Variants in XKR7 observed in about 807,000 individuals in gnomAD.
XKR7 encodes the protein XK related 7, also known as XK-related protein 7.
Under a neutral mutation model 42.2 loss-of-function variants are expected in XKR7, and 11 were observed. The ratio of observed to expected loss-of-function variants is 0.26; its 90% CI spans 0.16 to 0.43. The LOEUF is 0.43. Among genes scored for constraint, XKR7 ranks in the 20% least tolerant of loss-of-function variants. The probability of loss-of-function intolerance (pLI) is 1.00; values close to 1 mark genes in which losing one functional copy is unlikely to be tolerated. For missense variants in XKR7, 710 were observed against 802.2 expected (o/e 0.89, Z 1.39); for synonymous variants, 346 against 366.4 (o/e 0.94, Z 0.64).
chr20:31,983,762 T>C (rs545863163), intron 1 of XKR7, among the ~76,000 whole-genome samples: 1 of 151,916 alleles, frequency 6.6e-6, no homozygotes, highest in Admixed American at 6.6e-5. Flanking sequence ...TCCTGGCCAA[T>C]AGGGCAAAAC....
chr20:31,979,799 A>C (rs910186289), intron 1 of XKR7, among the ~76,000 whole-genome samples: 1 of 152,132 alleles, frequency 6.6e-6, no homozygotes, highest in African/African-American at 2.4e-5. Flanking sequence ...AATCCACATG[A>C]GGATATCAAG....
intron 1 of XKR7, among the ~76,000 whole-genome samples, chr20:31,975,939 A>T (rs2122253050): frequency 6.6e-6 from 1 of 152,346 alleles, no homozygotes; most frequent in Admixed American, 6.5e-5. Flanking sequence ...TGCGAGGATG[A>T]AGAAGAGAAC....
At chr20:31,969,780 G>C (rs1448535351) in intron 1 of XKR7, among the ~76,000 whole-genome samples, 1 of 152,216 alleles carries the variant, frequency 6.6e-6, no homozygotes, top group Admixed American at 6.5e-5. Context: ...CAGGTGAGAG[G>C]TCTGCATGAG....
At chr20:31,972,369 C>A (rs1190218148) in intron 1 of XKR7, among the ~76,000 whole-genome samples, 2 of 152,230 alleles carry the variant, frequency 1.3e-5, no homozygotes, top group East Asian at 1.9e-4. Context: ...TACTTTGGGA[C>A]ATGCCAGAAC....
chr20:31,981,606 C>T lies in XKR7; in HGVS notation c.584+12847C>T, dbSNP rs564090399. On this transcript the variant is annotated intron_variant, in intron 1 of 2. Transcript: ENST00000562532. ...ACTCGGGAGGCTGAGGCAGGAGAAT[C>T]GCCTGAACCTGGGAGGTAGAGGTTG... Among the ~76,000 whole-genome samples, 79 of 152,174 alleles carry T rather than the reference C, an allele frequency of 5.2e-4. 2 individuals are homozygous for T. In the South Asian group the frequency reaches 0.016, roughly 30 times the overall value.
intron 1 of XKR7, among the ~76,000 whole-genome samples, chr20:31,976,135 G>GCTCTGCACA (rs2122253299): frequency 6.6e-6 from 1 of 152,338 alleles, no homozygotes; most frequent in South Asian, 2.1e-4. Flanking sequence ...AGCACATAGT[G>GCTCTGCACA]GTGCTCAGTT....
chr20:31,984,609 T>C (rs374879452), intron 1 of XKR7, among the ~76,000 whole-genome samples: 2 of 152,356 alleles, frequency 1.3e-5, no homozygotes, highest in Admixed American at 6.5e-5. Context: ...TGGAATCACC[T>C]TGGTCTCCTG....
At position 31,997,705 on chromosome 20, in the gene XKR7, G is replaced by A; in HGVS notation, c.*248G>A. On this transcript the variant is annotated 3_prime_UTR_variant, in exon 3 of 3. Transcript: ENST00000562532. ...TGACCCAGGGCCTGGGGAATCATCT[G>A]GTGCTACACTTTTCGAGCTGCCCTG... is the stretch of plus-strand genomic sequence containing the variant. The A allele has an allele frequency of 1.9e-6, 1 of 516,744 alleles. No homozygotes were observed. The highest frequency in any genetic ancestry group is 2.7e-5 in the South Asian group (1 of 36,614). The allele number at this position is 516,744 out of a possible 1,614,324, so 32.0% of individuals were successfully genotyped here.
chr20:31,976,575 G>A (rs908933579), intron 1 of XKR7, among the ~76,000 whole-genome samples: 2 of 151,962 alleles, frequency 1.3e-5, no homozygotes, highest in Non-Finnish European at 2.9e-5. Flanking sequence ...AGTAGAAACG[G>A]GGTTTCACCA....
chr20:31,969,578 G>A (rs1053000295), intron 1 of XKR7, among the ~76,000 whole-genome samples: 50 of 152,330 alleles, frequency 3.3e-4, no homozygotes, highest in Non-Finnish European at 3.8e-4. Context: ...GGCTCCTCTT[G>A]AATCTGAATT....
chr20:31,977,866 G>T (rs1163235469), intron 1 of XKR7, among the ~76,000 whole-genome samples: 1 of 152,218 alleles, frequency 6.6e-6, no homozygotes, highest in Non-Finnish European at 1.5e-5. Flanking sequence ...CCAGATGGAA[G>T]TGGCTAACTT....
chr20:31,997,445 G>T lies in XKR7; in HGVS notation c.1728G>T (p.Glu576Asp). Reference sequence around the variant, plus strand: ...CTTCCCAGGAGCTGCTGGAGTATGAGACCACAGTGTAGGCTACAGTGTCCC... The same window carrying T: ...CTTCCCAGGAGCTGCTGGAGTATGATACCACAGTGTAGGCTACAGTGTCCC... ...VGTSQELLEY[E>D]TTV The change falls in exon 3 of 3, where the codon GAG becomes GAT. Residue 576 changes from glutamate (E) to aspartate (D), a missense_variant. Physicochemically the swap from Glu to Asp is conservative, Grantham distance 45 (BLOSUM62 2). Around this residue, in one of 2 missense-constraint regions of XKR7, gnomAD observed 708 missense variants for 786.2 expected, o/e 0.90. Transcript: ENST00000562532. 1 of 1,596,844 alleles carries T rather than the reference G, an allele frequency of 6.3e-7. No homozygotes were observed. Among genetic ancestry groups the T allele is most frequent in the South Asian group, 1.1e-5 (1 of 90,728 alleles).
chr20:31,979,282 A>G (rs958824476), intron 1 of XKR7, among the ~76,000 whole-genome samples: 6 of 151,938 alleles, frequency 3.9e-5, no homozygotes, highest in African/African-American at 1.2e-4. Flanking sequence ...TGCCACAGTC[A>G]TGGCTTACTG....
intron 1 of XKR7, among the ~76,000 whole-genome samples, chr20:31,974,907 T>C (rs2064478560): frequency 6.6e-6 from 1 of 151,904 alleles, no homozygotes; most frequent in African/African-American, 2.4e-5. Context: ...TCCAGGAGGC[T>C]CTCCACCCCC....
chr20:31,996,490 G>T lies in XKR7; in HGVS notation c.788-15G>T. 2 of 91,690 alleles carry T rather than the reference G, an allele frequency of 2.2e-5. No individual in the cohort carries two copies. The highest frequency in any genetic ancestry group is 3.2e-5 in the Non-Finnish European group (2 of 63,252). The allele number at this position is 91,690 out of a possible 1,614,324, so 5.7% of individuals were successfully genotyped here. A position where few individuals can be genotyped will look rare whatever the true frequency, so the allele number is the denominator to read the frequency against. The stretch of plus-strand genomic sequence containing the variant: ...CCCTAACCCAGCCCACCCCGCCCCT[G>T]CCCTGTCTCCACAGCCCTCTCCACC... On this transcript the variant is annotated splice_polypyrimidine_tract_variant and intron_variant, in intron 2 of 2. Coordinates refer to ENST00000562532, the MANE Select transcript of XKR7 (RefSeq NM_001011718.2).
chr20:31,997,158 G>C lies in XKR7; in HGVS notation c.1441G>C (p.Gly481Arg), dbSNP rs200392528. 6.8e-6 allele frequency: 11 copies of C among 1,611,336 alleles called. No homozygotes were observed. Among genetic ancestry groups the C allele is most frequent in the Non-Finnish European group, 9.3e-6 (11 of 1,180,014 alleles). ...CCCCAGGTCCCTGCCAAGGACTACAGGTGCTGAGCGGGATGGGGCCTCGGC... is the reference window on the plus strand; with the variant it reads ...CCCCAGGTCCCTGCCAAGGACTACACGTGCTGAGCGGGATGGGGCCTCGGC... ...SPPRSLPRTT[G>R]AERDGASAGE... The change falls in exon 3 of 3, where the codon GGT becomes CGT. Residue 481 changes from glycine (G) to arginine (R), a missense_variant. Gly to Arg is a moderately radical substitution (Grantham distance 125). Around this residue, in one of 2 missense-constraint regions of XKR7, gnomAD observed 708 missense variants for 786.2 expected, o/e 0.90. Transcript: ENST00000562532.
chr20:31,986,664 T>A (rs1366226702), intron 1 of XKR7, among the ~76,000 whole-genome samples: 2 of 114,696 alleles, frequency 1.7e-5, no homozygotes, highest in African/African-American at 3.6e-5. Context: ...AGACCAAGCA[T>A]CCAAGACACA....
rs951457855 is a variant in XKR7 at position 32,000,611 on chromosome 20, G to A, written c.*3154G>A. On this transcript the variant is annotated 3_prime_UTR_variant, in exon 3 of 3. Coordinates refer to ENST00000562532, the MANE Select transcript of XKR7 (RefSeq NM_001011718.2). ...TGTCTTAATTTTGCCAGGAACAGAA[G>A]AGAACAGGATGCTTTGGGTACCAAA... 1 of 152,302 alleles carries A rather than the reference G, an allele frequency of 6.6e-6. No individual in the cohort carries two copies. Among genetic ancestry groups the A allele is most frequent in the Non-Finnish European group, 1.5e-5 (1 of 68,130 alleles). 9.4% of individuals were successfully genotyped at this position (152,302 alleles called of 1,614,324 possible). A position where few individuals can be genotyped will look rare whatever the true frequency, so the allele number is the denominator to read the frequency against.
chr20:31,989,458 C>T (rs559587436), intron 1 of XKR7, among the ~76,000 whole-genome samples: 93 of 152,212 alleles, frequency 6.1e-4, no homozygotes, highest in Non-Finnish European at 1.2e-3. Context: ...CATGATCTGA[C>T]AGGTTTTAAA....
Sources: allele counts gnomAD v4.1 joint callset (sites outside exome capture counted in the v4.1 genomes callset), GRCh38; gene constraint gnomAD v4.1.1; regional missense constraint gnomAD v4.1.1; transcripts MANE v1.5; gene names NCBI Gene and HGNC (gene_info 2026-07-23, HGNC 2026-07-21).